ARHGAP25: variants seen among roughly 807,000 people sequenced by gnomAD.
ARHGAP25 encodes the protein Rho GTPase activating protein 25.
A neutral mutation model predicts 71.0 loss-of-function variants in ARHGAP25; 34 were observed. The ratio of observed to expected loss-of-function variants is 0.48; its 90% CI spans 0.36 to 0.64. ARHGAP25 has a LOEUF of 0.64. ARHGAP25 is among the 30% of genes least tolerant of loss of function. The probability of loss-of-function intolerance (pLI) is 0.00; values close to 1 mark genes in which losing one functional copy is unlikely to be tolerated. For synonymous variants in ARHGAP25, 282 were observed against 296.5 expected (o/e 0.95, Z 0.50); for missense variants, 706 against 805.1 (o/e 0.88, Z 1.49).
chr2:68,802,703 G>A (rs953471775), intron 4 of ARHGAP25, among the ~76,000 whole-genome samples: 1 of 43,924 alleles, frequency 2.3e-5, no homozygotes, highest in Non-Finnish European at 5.0e-5. Context: ...GGGAATAGAG[G>A]AGAAAGAGAG....
At chr2:68,799,575 G>C (rs1359659354) in intron 4 of ARHGAP25, among the ~76,000 whole-genome samples, 1 of 152,196 alleles carries the variant, frequency 6.6e-6, no homozygotes, top group Non-Finnish European at 1.5e-5. Flanking sequence ...GGGTTCCCGC[G>C]TGGGATTTTT....
intron 2 of ARHGAP25, among the ~76,000 whole-genome samples, chr2:68,718,945 G>C (rs1169148429): frequency 6.6e-6 from 1 of 152,034 alleles, no homozygotes; most frequent in Non-Finnish European, 1.5e-5. Flanking sequence ...TAGAGATTGA[G>C]TTAGTAATAG....
chr2:68,771,799 A>G (rs1677506638), intron 1 of ARHGAP25, among the ~76,000 whole-genome samples: 1 of 152,206 alleles, frequency 6.6e-6, no homozygotes, highest in Non-Finnish European at 1.5e-5. Context: ...ATAGTTACAC[A>G]AACTATGGTG....
rs553707534 is a variant in ARHGAP25 at position 68,715,877 on chromosome 2, G to T, written c.-18+5179G>T. On this transcript the variant is annotated intron_variant and NMD_transcript_variant, in intron 2 of 7. Coordinates refer to the ARHGAP25 transcript ENST00000463483. ...CCAAGAACAGCTCTCTGGGTAGGCT[G>T]GGCCATAAAAGCCACTATTACATGA... Among the ~76,000 whole-genome samples the T allele has an allele frequency of 5.7e-3, 862 of 152,300 alleles. 3 individuals are homozygous for T. The highest frequency in any genetic ancestry group is 9.6e-3 in the Non-Finnish European group (654 of 68,030).
At chr2:68,727,854 A>T (rs1383713017) in intron 2 of ARHGAP25, among the ~76,000 whole-genome samples, 2 of 152,238 alleles carry the variant, frequency 1.3e-5, no homozygotes, top group Non-Finnish European at 2.9e-5. Flanking sequence ...AAGGAGAGGG[A>T]GAGATCTGGT....
upstream of ARHGAP25, among the ~76,000 whole-genome samples, chr2:68,731,283 T>C (rs1240476543): frequency 6.6e-6 from 1 of 152,100 alleles, no homozygotes; most frequent in African/African-American, 2.4e-5. Flanking sequence ...ATCTCTGTGA[T>C]TGGAACTACA....
In ARHGAP25 at chr2:68,786,047, C is replaced by T. The variant is rs1193901846; in HGVS notation, c.350-1793C>T. Among the ~76,000 whole-genome samples the T allele has an allele frequency of 3.3e-5, 5 of 152,288 alleles. No individual in the cohort carries two copies. In the East Asian group the frequency reaches 7.7e-4, roughly 24 times the overall value. On this transcript the variant is annotated intron_variant, in intron 3 of 10. Coordinates refer to ENST00000409202, the MANE Select transcript of ARHGAP25 (RefSeq NM_001007231.3). ...TTGTCTCTTGGACCTATCTTAATAT[C>T]ATCAAGCTTCACATTATTTCACCCT... is the stretch of plus-strand genomic sequence containing the variant.
chr2:68,729,700 G>C (rs150614126), intron 2 of ARHGAP25, among the ~76,000 whole-genome samples: 2 of 152,196 alleles, frequency 1.3e-5, no homozygotes, highest in African/African-American at 4.8e-5. Context: ...AACATAAACC[G>C]TAGAACTTTT....
chr2:68,720,390 T>G (rs1674733347), intron 2 of ARHGAP25, among the ~76,000 whole-genome samples: 1 of 151,624 alleles, frequency 6.6e-6, no homozygotes, highest in Non-Finnish European at 1.5e-5. Flanking sequence ...CTCTGGAAAC[T>G]TTACTCTGTA....
chr2:68,738,246 G>A (rs80074065), intron 1 of ARHGAP25, among the ~76,000 whole-genome samples: 66 of 152,056 alleles, frequency 4.3e-4, no homozygotes, highest in East Asian at 1.5e-3. Context: ...ATCACTGGAG[G>A]ACAGGTCCAG....
At chr2:68,720,155 A>G (rs1324756209) in intron 2 of ARHGAP25, among the ~76,000 whole-genome samples, 3 of 152,076 alleles carry the variant, frequency 2.0e-5, no homozygotes, top group Non-Finnish European at 4.4e-5. Flanking sequence ...TCCATCTTCA[A>G]AATTACAGGA....
intron 4 of ARHGAP25, among the ~76,000 whole-genome samples, chr2:68,804,168 C>T (rs11893484): frequency 0.53 from 80,501 of 152,068 alleles, 22,036 homozygotes; most frequent in East Asian, 0.84. Flanking sequence ...TATTAAGGTG[C>T]AAGAAGGAGC....
intron 4 of ARHGAP25, among the ~76,000 whole-genome samples, chr2:68,802,949 G>A (rs1680106156): frequency 6.8e-6 from 1 of 147,756 alleles, no homozygotes. Context: ...ATATGTGTGT[G>A]TATATATATA....
chr2:68,710,959 T>G (rs1393401458), intron 2 of ARHGAP25, among the ~76,000 whole-genome samples: 2 of 152,074 alleles, frequency 1.3e-5, no homozygotes, highest in African/African-American at 4.8e-5. Context: ...GTTCTCAGAG[T>G]CTTTTCTGCC....
intron 5 of ARHGAP25, among the ~76,000 whole-genome samples, chr2:68,812,274 T>G (rs1212846583): frequency 1.3e-5 from 2 of 152,148 alleles, no homozygotes; most frequent in East Asian, 3.8e-4. Flanking sequence ...GTGAGTGTTT[T>G]TTCCCCCAGC....
rs1369681636 is a variant in ARHGAP25 at position 68,775,144 on chromosome 2, C to G, written c.62-77C>G. 4.3e-6 allele frequency: 7 copies of G among 1,611,828 alleles called. No individual in the cohort carries two copies. In the Admixed American group the frequency reaches 5.0e-5, roughly 12 times the overall value. On this transcript the variant is annotated intron_variant, in intron 1 of 10. Coordinates refer to ENST00000409202, the MANE Select transcript of ARHGAP25 (RefSeq NM_001007231.3). ...CCGCTTCTCAGCCCCCTCTGGGGTT[C>G]CTCTCTCCTCTCCGCCCACTCTTTG... is the stretch of plus-strand genomic sequence containing the variant.
intron 1 of ARHGAP25, among the ~76,000 whole-genome samples, chr2:68,744,260 A>T (rs57423067): frequency 0.01 from 1,561 of 151,890 alleles, 28 homozygotes; most frequent in African/African-American, 0.033. Flanking sequence ...ATATATATAT[A>T]TTTTTTCCAA....
At chr2:68,814,815 T>C (rs1681082012) in intron 6 of ARHGAP25, among the ~76,000 whole-genome samples, 1 of 152,198 alleles carries the variant, frequency 6.6e-6, no homozygotes, top group Non-Finnish European at 1.5e-5. Context: ...GATACAGGTT[T>C]TGTAGCTCTT....
intron 2 of ARHGAP25, among the ~76,000 whole-genome samples, chr2:68,713,613 G>T (rs748113200): frequency 6.6e-6 from 1 of 152,184 alleles, no homozygotes; most frequent in African/African-American, 2.4e-5. Context: ...TGCCCATTCA[G>T]TATGATATTG....
Sources: allele counts gnomAD v4.1 joint callset (sites outside exome capture counted in the v4.1 genomes callset), GRCh38; gene constraint gnomAD v4.1.1; transcripts MANE v1.5; gene names NCBI Gene and HGNC (gene_info 2026-07-23, HGNC 2026-07-21).